The following C10orf67 variants were observed in gnomAD, a reference collection of about 807,000 sequenced individuals.
The protein encoded by C10orf67 is chromosome 10 open reading frame 67.
A neutral mutation model predicts 35.6 loss-of-function variants in C10orf67; 60 were observed. That is an observed-to-expected ratio of 1.68 (90% CI 1.37 to 2.09). The LOEUF (loss-of-function observed/expected upper bound fraction) is 2.09, where lower values mean the gene tolerates loss of function less well. C10orf67 is among the 30% of genes most tolerant of loss of function. The pLI is 0.00. For missense variants in C10orf67, 474 were observed against 330.2 expected (o/e 1.44, Z -3.38); for synonymous variants, 167 against 115.8 (o/e 1.44, Z -2.84).
At chr10:23,276,538 T>C (rs574492561) in intron 8 of C10orf67, among the ~76,000 whole-genome samples, 3 of 152,188 alleles carry the variant, frequency 2.0e-5, no homozygotes, top group African/African-American at 7.2e-5. Flanking sequence ...ATTCCTGTGA[T>C]TCACCTTACC....
chr10:23,335,279 T>G (rs1021438427), intron 1 of C10orf67, among the ~76,000 whole-genome samples: 1 of 152,118 alleles, frequency 6.6e-6, no homozygotes, highest in Non-Finnish European at 1.5e-5. Context: ...ATACCTCCAG[T>G]CTCCCTGTAA....
intron 2 of C10orf67, among the ~76,000 whole-genome samples, chr10:23,330,208 G>C (rs563044150): frequency 1.3e-5 from 2 of 152,188 alleles, no homozygotes; most frequent in South Asian, 2.1e-4. Context: ...CTGTATTCCC[G>C]ACACTTTGGG....
At chr10:23,202,608 A>G (rs1841055010), downstream of C10orf67, 1 of 152,246 alleles carries the variant, frequency 6.6e-6, no homozygotes, top group African/African-American at 2.4e-5. Context: ...CTGATGGACA[A>G]CAGATATAGG....
chr10:23,289,796 C>A, intron 7 of C10orf67, 104 bp downstream of exon 7: 1 of 621,362 alleles, frequency 1.6e-6, no homozygotes, highest in Non-Finnish European at 2.9e-6. Flanking sequence ...TGTGAATCAA[C>A]TTTCCTCTAT....
At chr10:23,332,669 CTG>C (rs1845531887) in intron 2 of C10orf67, among the ~76,000 whole-genome samples, 1 of 122,366 alleles carries the variant, frequency 8.2e-6, no homozygotes, top group South Asian at 2.8e-4. Context: ...AAGTAAGACA[CTG>C]TCTCAAAAAA....
intron 12 of C10orf67, 63 bp from the exon 13 acceptor site, chr10:23,239,879 A>C (rs909737698): frequency 1.9e-6 from 1 of 533,332 alleles, no homozygotes; most frequent in African/African-American, 1.9e-5. Flanking sequence ...GCAAATAAGC[A>C]TTATGTTAAT....
At chr10:23,229,313 C>G (rs941739975) in intron 13 of C10orf67, among the ~76,000 whole-genome samples, 1 of 151,384 alleles carries the variant, frequency 6.6e-6, no homozygotes, top group African/African-American at 2.4e-5. Flanking sequence ...AACCATCATT[C>G]TCAGCAAACT....
At position 23,204,122 on chromosome 10, in the gene C10orf67, C is replaced by A; in HGVS notation, c.*51G>T. The A allele has an allele frequency of 2.1e-6, 1 of 471,076 alleles. No individual in the cohort carries two copies. The highest frequency in any genetic ancestry group is 3.9e-6 in the Non-Finnish European group (1 of 255,868). 29.2% of individuals were successfully genotyped at this position (471,076 alleles called of 1,614,324 possible). On this transcript the variant is annotated 3_prime_UTR_variant, in exon 16 of 16. Transcript: ENST00000636213. ...AGGGAGGCACCTTACACCAGGACGG[C>A]GAGGCCACTCTTTCTGAGGCCCCGT...
chr10:23,266,513 A>T (rs921491311), intron 9 of C10orf67, 87 bp from the exon 10 acceptor site: 12 of 397,124 alleles, frequency 3.0e-5, no homozygotes, highest in African/African-American at 2.5e-4. Context: ...CCCTCCCCTG[A>T]GCTGGAATTG....
intron 8 of C10orf67, among the ~76,000 whole-genome samples, chr10:23,278,625 G>T (rs1233664625): frequency 6.6e-6 from 1 of 152,164 alleles, no homozygotes; most frequent in Non-Finnish European, 1.5e-5. Context: ...GCCAGCATGA[G>T]GGTGGGCACC....
chr10:23,268,424 A>G (rs1842939358), intron 8 of C10orf67, among the ~76,000 whole-genome samples: 2 of 152,214 alleles, frequency 1.3e-5, no homozygotes, highest in South Asian at 4.1e-4. Context: ...AGTGATTCTA[A>G]TTATAAATAA....
At position 23,320,810 on chromosome 10, in the gene C10orf67, C is replaced by T. The variant is rs1844922141; in HGVS notation, c.477G>A (p.Glu159=). The change falls in exon 4 of 16, where the codon GAG becomes GAA. Residue 159 remains glutamate (E), a synonymous_variant. Transcript: ENST00000636213. ...GATTGAAGGATTTTCTCATCTTATC[C>T]TCATTCTGCAAACAAAAATAAATGC... ...LEIEKHYQQN[E]DKMRKSFNQQ... is the part of the protein sequence containing the mutation. 1.3e-6 allele frequency: 2 copies of T among 1,575,944 alleles called. No homozygotes were observed. The highest frequency in any genetic ancestry group is 1.2e-5 in the South Asian group (1 of 85,512).
At chr10:23,267,277 C>G (rs1179204588) in intron 8 of C10orf67, 23 bp from the exon 9 acceptor site, 1 of 697,026 alleles carries the variant, frequency 1.4e-6, no homozygotes, top group African/African-American at 1.8e-5. Flanking sequence ...AGACCCATAT[C>G]ATTGGTTATT....
At chr10:23,308,172 C>T (rs548691111) in intron 4 of C10orf67, among the ~76,000 whole-genome samples, 6 of 152,190 alleles carry the variant, frequency 3.9e-5, no homozygotes, top group African/African-American at 9.6e-5. Context: ...TTCTCTTTCA[C>T]GAACTAATCA....
chr10:23,289,003 C>A (rs976391108), intron 7 of C10orf67, among the ~76,000 whole-genome samples: 1 of 152,086 alleles, frequency 6.6e-6, no homozygotes, highest in African/African-American at 2.4e-5. Context: ...GGAAGATAGA[C>A]CATAACAGAA....
chr10:23,276,026 A>C (rs1843176723), intron 8 of C10orf67, among the ~76,000 whole-genome samples: 1 of 152,180 alleles, frequency 6.6e-6, no homozygotes, highest in African/African-American at 2.4e-5. Context: ...TAATAGAAGA[A>C]GCTTCCACGT....
Position 23,212,778 on chromosome 10 carries a change from T to TGAGAGAGAGAGAGAGAGA in C10orf67, c.1571-8541_1571-8524dup, listed in dbSNP as rs58972226. Among the ~76,000 whole-genome samples the TGAGAGAGAGAGAGAGAGA allele has an allele frequency of 1.4e-4, 14 of 101,162 alleles. No individual in the cohort carries two copies. The South Asian group carries it at 1.8e-3, about 13-fold the overall frequency. 66.4% of individuals were successfully genotyped at this position (101,162 alleles called of 152,430 possible). A position where few individuals can be genotyped will look rare whatever the true frequency, so the allele number is the denominator to read the frequency against. ...GAACTATATTCAGGAAATATTGTATTGAGAGAGAGAGAGAGAGAGAGAGAG... is the reference window on the plus strand; with the variant it reads ...GAACTATATTCAGGAAATATTGTATTGAGAGAGAGAGAGAGAGAGAGAGAGAGAGAGAGAGAGAGAGAG... On this transcript the variant is annotated intron_variant, in intron 15 of 15. Coordinates refer to ENST00000636213, the MANE Select transcript of C10orf67 (RefSeq NM_001371909.1).
chr10:23,295,742 AAAAAGT>A (rs1046534589), intron 5 of C10orf67, among the ~76,000 whole-genome samples: 30 of 152,372 alleles, frequency 2.0e-4, no homozygotes, highest in African/African-American at 6.7e-4. Flanking sequence ...TGTTTTCTTC[AAAAAGT>A]AAAAGTAAAT....
rs542416577 is a variant in C10orf67, at chr10:23,241,472, G to C, written c.1347-1656C>G. On this transcript the variant is annotated intron_variant, in intron 12 of 15. Coordinates refer to ENST00000636213, the MANE Select transcript of C10orf67 (RefSeq NM_001371909.1). ...TAAATGCATTTTGCATGCAGGATAG[G>C]CATGATTATTTGGGGGCCAGAAGGT... 4.6e-5 allele frequency among the ~76,000 whole-genome samples: 7 copies of C among 152,306 alleles called. No homozygotes were observed. The East Asian group carries it at 1.4e-3, about 29-fold the overall frequency.
Sources: gnomAD v4.1 joint callset for allele counts (sites outside exome capture counted in the v4.1 genomes callset) on GRCh38, gnomAD v4.1.1 for gene constraint, MANE v1.5 for transcripts, NCBI Gene and HGNC (gene_info 2026-07-23, HGNC 2026-07-21) for gene names.